Variants in USP40 observed in about 807,000 individuals in gnomAD.
USP40 encodes ubiquitin specific peptidase 40.
Under a neutral mutation model 166.2 loss-of-function variants are expected in USP40, and 143 were observed. That is an observed-to-expected ratio of 0.86 (90% CI 0.75 to 0.99). The LOEUF (loss-of-function observed/expected upper bound fraction) is 0.99, where lower values mean the gene tolerates loss of function less well. Ranked by LOEUF, USP40 falls within the 50% of genes least tolerant of loss-of-function variation. USP40 has a pLI of 0.00. For missense variants in USP40, 1,444 were observed against 1,479.7 expected (o/e 0.98, Z 0.40); for synonymous variants, 498 against 524.0 (o/e 0.95, Z 0.68).
At chr2:233,506,019 C>CA (rs1214929879) in intron 21 of USP40, among the ~76,000 whole-genome samples, 1 of 152,010 alleles carries the variant, frequency 6.6e-6, no homozygotes, top group Non-Finnish European at 1.5e-5. Context: ...TAAGGAACCA[C>CA]AAAAAAACCC....
chr2:233,481,579 G>A (rs2064595053), intron 30 of USP40: 5 of 444,504 alleles, frequency 1.1e-5, no homozygotes, highest in Non-Finnish European at 2.0e-5. Context: ...ACTTTAAAGG[G>A]CTACCAGGCA....
At chr2:233,527,036 T>A (rs1373134804) in intron 13 of USP40, among the ~76,000 whole-genome samples, 1 of 152,204 alleles carries the variant, frequency 6.6e-6, no homozygotes, top group East Asian at 1.9e-4. Flanking sequence ...ATAAAGTTAG[T>A]TGCGTTTATT....
Position 233,549,952 on chromosome 2 carries a change from A to G in USP40, c.838-723T>C, listed in dbSNP as rs1465459253. 3.3e-5 allele frequency among the ~76,000 whole-genome samples: 5 copies of G among 152,262 alleles called. No homozygotes were observed. The South Asian group carries it at 8.3e-4, about 25-fold the overall frequency. ...AGAAACAAAATAAAATAAAAAGCTA[A>G]TTTAGATTAAGAGATACTTTAAAGA... is the stretch of plus-strand genomic sequence containing the variant. On this transcript the variant is annotated intron_variant, in intron 7 of 31. Coordinates refer to ENST00000678225, the MANE Select transcript of USP40 (RefSeq NM_001365479.2).
At chr2:233,545,396 T>C (rs1335490346) in intron 8 of USP40, 1 of 152,230 alleles carries the variant, frequency 6.6e-6, no homozygotes, top group African/African-American at 2.4e-5. Flanking sequence ...ACCCTGGCCA[T>C]GTTGGGACAG....
intron 9 of USP40, among the ~76,000 whole-genome samples, chr2:233,541,119 C>T (rs1443972928): frequency 3.9e-5 from 6 of 152,082 alleles, no homozygotes; most frequent in Admixed American, 3.3e-4. Context: ...TACGTAAGTA[C>T]AAAAACAAAG....
In USP40 at chr2:233,566,735, G is replaced by A. The variant is rs191251401; in HGVS notation, c.-71C>T. 7.7e-5 allele frequency: 76 copies of A among 985,854 alleles called. No homozygotes were observed. Among genetic ancestry groups the A allele is most frequent in the Admixed American group, 1.2e-4 (2 of 16,274 alleles). The allele number at this position is 985,854 out of a possible 1,614,324, so 61.1% of individuals were successfully genotyped here. A position where few individuals can be genotyped will look rare whatever the true frequency, so the allele number is the denominator to read the frequency against. On this transcript the variant is annotated 5_prime_UTR_variant, in exon 1 of 32. Coordinates refer to ENST00000678225, the MANE Select transcript of USP40 (RefSeq NM_001365479.2). ...GCCAAAACGCGAAGCGAACGAACCCGCCCCAACTGGGCGCCGCCATGTTGG... is the reference window on the plus strand; with the variant it reads ...GCCAAAACGCGAAGCGAACGAACCCACCCCAACTGGGCGCCGCCATGTTGG...
intron 14 of USP40, among the ~76,000 whole-genome samples, chr2:233,525,069 T>C (rs1559253274): frequency 6.6e-6 from 1 of 152,242 alleles, no homozygotes; most frequent in Non-Finnish European, 1.5e-5. Flanking sequence ...AAGTAAATGC[T>C]TTCAAACTCT....
intron 4 of USP40, 117 bp from the exon 5 acceptor site, chr2:233,557,136 A>G: frequency 2.2e-6 from 2 of 914,716 alleles, no homozygotes; most frequent in South Asian, 1.8e-5. Flanking sequence ...AAGATCAGAT[A>G]TAAGAATGAC....
chr2:233,523,652 T>G (rs1304969095), intron 15 of USP40, among the ~76,000 whole-genome samples, 163 bp from the exon 16 acceptor site: 1 of 152,206 alleles, frequency 6.6e-6, no homozygotes, highest in Non-Finnish European at 1.5e-5. Flanking sequence ...TTCAGATTTT[T>G]CTTTTGAAAC....
At position 233,512,591 on chromosome 2, in the gene USP40, T is replaced by C. The variant is rs1240477253; in HGVS notation, c.2415A>G (p.Arg805=). ...TACCTGGACAAAGAAGCTTCCCATT[T>C]CTATCAATAGGTCTCAAACAGCTGT... ...ADNSCLRPID[R]NGKLLCPVPD... Residue 805 remains arginine (R), a synonymous_variant, in exon 19 of 32, where the codon AGA becomes AGG. Transcript: ENST00000678225. 1 of 1,585,576 alleles carries C rather than the reference T, an allele frequency of 6.3e-7. No homozygotes were observed. Among genetic ancestry groups the C allele is most frequent in the African/African-American group, 1.4e-5 (1 of 73,254 alleles).
At chr2:233,519,334 T>G (rs780747169) in intron 18 of USP40, 16 of 318,962 alleles carry the variant, frequency 5.0e-5, no homozygotes, top group Non-Finnish European at 9.3e-5. Context: ...TAGTACAACA[T>G]GAATACATGG....
chr2:233,554,192 T>G, intron 6 of USP40, 188 bp downstream of exon 6: 1 of 528,602 alleles, frequency 1.9e-6, no homozygotes. Context: ...GGAAGTTGGG[T>G]GAACTGTTGG....
chr2:233,555,208 G>A (rs899262926), intron 5 of USP40, among the ~76,000 whole-genome samples: 14 of 152,012 alleles, frequency 9.2e-5, no homozygotes, highest in African/African-American at 2.9e-4. Flanking sequence ...AAAGAATTAC[G>A]TTAAGCTAGG....
intron 22 of USP40, among the ~76,000 whole-genome samples, chr2:233,499,261 C>T (rs1049662028): frequency 2.7e-5 from 4 of 147,442 alleles, no homozygotes; most frequent in Non-Finnish European, 5.9e-5. Context: ...CATGTGGTGT[C>T]TAGTTTTCTG....
At position 233,477,485 on chromosome 2, in the gene USP40, C is replaced by T. The variant is rs572918286; in HGVS notation, c.3618G>A (p.Glu1206=). 1 of 1,613,614 alleles carries T rather than the reference C, an allele frequency of 6.2e-7. No individual in the cohort carries two copies. ...CACTGGAGAGGATGTAGCTGCTCTG[C>T]TCATGGAGGGCTTCTTGGCTGCAGA... The part of the protein sequence containing the change: ...GRRKSQEALH[E]QSSYILSSAE... Residue 1206 remains glutamate (E), a synonymous_variant, in exon 32 of 32, where the codon GAG becomes GAA. Coordinates refer to ENST00000678225, the MANE Select transcript of USP40 (RefSeq NM_001365479.2).
At chr2:233,479,561 CAAAA>C (rs1295940321) in intron 31 of USP40, among the ~76,000 whole-genome samples, 2 of 96,332 alleles carry the variant, frequency 2.1e-5, no homozygotes, top group Admixed American at 1.0e-4. Flanking sequence ...GACTCCGTCG[CAAAA>C]AAAAAAAAAA....
chr2:233,529,597 G>A, intron 11 of USP40, 85 bp from the exon 12 acceptor site: 1 of 900,540 alleles, frequency 1.1e-6, no homozygotes, highest in Non-Finnish European at 1.6e-6. Context: ...AGGAAGGACT[G>A]TCCTAGGAGC....
At position 233,495,988 on chromosome 2, in the gene USP40, G is replaced by A. The variant is rs553135289; in HGVS notation, c.2790+770C>T. Among the ~76,000 whole-genome samples, 377 of 152,320 alleles carry A rather than the reference G, an allele frequency of 2.5e-3. 2 individuals are homozygous for A. Among genetic ancestry groups the A allele is most frequent in the African/African-American group, 8.1e-3 (336 of 41,560 alleles). On this transcript the variant is annotated intron_variant, in intron 24 of 31. Transcript: ENST00000678225. The stretch of plus-strand genomic sequence containing the variant: ...GTAGCGAATACATTAAAAAGGATAT[G>A]CACATATTTGCCTTCAGCAAACAAA...
intron 24 of USP40, among the ~76,000 whole-genome samples, chr2:233,494,627 G>A (rs2065549093): frequency 6.6e-6 from 1 of 151,808 alleles, no homozygotes; most frequent in African/African-American, 2.4e-5. Context: ...GTACTTTGGG[G>A]AGGCTGAGGT....
Sources: gnomAD v4.1 joint callset for allele counts (sites outside exome capture counted in the v4.1 genomes callset) on GRCh38, gnomAD v4.1.1 for gene constraint, MANE v1.5 for transcripts, NCBI Gene and HGNC (gene_info 2026-07-23, HGNC 2026-07-21) for gene names.